Variants in PEX5L observed in about 807,000 individuals in gnomAD.
The protein encoded by PEX5L is PEX5-related protein.
In PEX5L, 30 loss-of-function variants were observed where a neutral mutation model predicts 84.0. That is an observed-to-expected ratio of 0.36 (90% CI 0.27 to 0.48). The LOEUF is 0.48. PEX5L is among the 20% of genes least tolerant of loss of function. The probability of loss-of-function intolerance (pLI) is 0.99; values close to 1 mark genes in which losing one functional copy is unlikely to be tolerated. For missense variants in PEX5L, 533 were observed against 754.6 expected, an observed-to-expected ratio of 0.71 and a Z score of 3.44; for synonymous variants, 270 against 283.1, an observed-to-expected ratio of 0.95 and a Z score of 0.46.
At chr3:179,981,177 T>C (rs1265678518) in intron 1 of PEX5L, among the ~76,000 whole-genome samples, 1 of 152,018 alleles carries the variant, frequency 6.6e-6, no homozygotes, top group East Asian at 1.9e-4. Context: ...TGGAACAGAG[T>C]TGCCCAGGGT....
chr3:179,800,584 A>G lies in PEX5L; in HGVS notation c.*1244T>C, dbSNP rs373696326. On this transcript the variant is annotated 3_prime_UTR_variant, in exon 15 of 15. Transcript: ENST00000467460. ...CAATTAAAACACCACTGCTAATAGA[A>G]AATTCCCAATACTTGCTAAATGTTC... 16 of 152,336 alleles carry G rather than the reference A, an allele frequency of 1.1e-4. No individual in the cohort carries two copies. In the East Asian group the frequency reaches 2.7e-3, roughly 26 times the overall value. The allele number at this position is 152,336 out of a possible 1,614,324, so 9.4% of individuals were successfully genotyped here.
chr3:179,912,480 CTTTAAG>C (rs896293845), intron 2 of PEX5L, among the ~76,000 whole-genome samples: 8 of 151,942 alleles, frequency 5.3e-5, no homozygotes, highest in Non-Finnish European at 1.0e-4. Context: ...AAAATTAATC[CTTTAAG>C]TTTAAGATCC....
At chr3:179,922,433 A>T (rs191222346) in intron 2 of PEX5L, among the ~76,000 whole-genome samples, 95 of 146,856 alleles carry the variant, frequency 6.5e-4, no homozygotes, top group Middle Eastern at 7.3e-3. Flanking sequence ...TTAGAATTTC[A>T]CTGCTTCCTT....
intron 3 of PEX5L, chr3:179,896,107 C>A (rs1187479715): frequency 6.6e-6 from 1 of 152,102 alleles, no homozygotes; most frequent in African/African-American, 2.4e-5. Context: ...TTTTTCAGAT[C>A]ATTCTGCTTC....
At position 179,805,799 on chromosome 3, in the gene PEX5L, C is replaced by T. The variant is rs529121631; in HGVS notation, c.1676+1875G>A. Among the ~76,000 whole-genome samples the T allele has an allele frequency of 2.6e-5, 4 of 152,128 alleles. No individual in the cohort carries two copies. The East Asian group carries it at 5.8e-4, about 22-fold the overall frequency. ...TGAGGATTTAAAATTTACACCTTAA[C>T]GGAGGTGGCCATTTTTACCTGTCAT... is the stretch of plus-strand genomic sequence containing the variant. On this transcript the variant is annotated intron_variant, in intron 14 of 14. Coordinates refer to ENST00000467460, the MANE Select transcript of PEX5L (RefSeq NM_016559.3).
chr3:179,979,671 C>T (rs766681293), intron 1 of PEX5L, among the ~76,000 whole-genome samples: 1 of 152,094 alleles, frequency 6.6e-6, no homozygotes, highest in Non-Finnish European at 1.5e-5. Context: ...CTCTCCCATC[C>T]CCAACAGGAA....
At chr3:180,007,163 C>T (rs764626624) in intron 1 of PEX5L, among the ~76,000 whole-genome samples, 2 of 152,184 alleles carry the variant, frequency 1.3e-5, no homozygotes, top group Non-Finnish European at 2.9e-5. Flanking sequence ...TGGGTAAATA[C>T]AGCTGTTCCA....
intron 4 of PEX5L, among the ~76,000 whole-genome samples, chr3:179,885,790 G>A (rs1421216871): frequency 2.6e-5 from 4 of 152,142 alleles, no homozygotes; most frequent in Non-Finnish European, 5.9e-5. Flanking sequence ...TAGAAGAGAG[G>A]CCTGGAATAG....
chr3:179,910,357 T>C (rs1299681468), intron 2 of PEX5L, among the ~76,000 whole-genome samples: 1 of 152,204 alleles, frequency 6.6e-6, no homozygotes, highest in Non-Finnish European at 1.5e-5. Context: ...TGAAAACAAT[T>C]TTCTTGTGAA....
intron 2 of PEX5L, among the ~76,000 whole-genome samples, chr3:179,903,027 TAAC>T (rs1361961405): frequency 2.0e-5 from 3 of 152,112 alleles, no homozygotes; most frequent in African/African-American, 7.2e-5. Flanking sequence ...AAAACAAAAT[TAAC>T]AACTCTAATA....
chr3:179,937,634 A>G (rs1309373309), intron 2 of PEX5L, among the ~76,000 whole-genome samples: 2 of 152,178 alleles, frequency 1.3e-5, no homozygotes, highest in South Asian at 2.1e-4. Context: ...CAGTGTATAT[A>G]GGACACATGT....
intron 6 of PEX5L, 125 bp downstream of exon 6, chr3:179,875,229 G>T: frequency 2.6e-6 from 2 of 764,486 alleles, no homozygotes; most frequent in South Asian, 1.9e-5. Flanking sequence ...CACAATAATT[G>T]GTATTGTTAT....
intron 2 of PEX5L, among the ~76,000 whole-genome samples, chr3:179,931,158 A>C (rs1772989760): frequency 6.6e-6 from 1 of 152,230 alleles, no homozygotes; most frequent in Non-Finnish European, 1.5e-5. Flanking sequence ...ATTGCATTTG[A>C]CCAAGATTTA....
intron 1 of PEX5L, among the ~76,000 whole-genome samples, chr3:179,988,388 C>CAATAAATAAATAAATAAATAAATA (rs56669562): frequency 1.4e-5 from 2 of 143,446 alleles, no homozygotes; most frequent in African/African-American, 2.6e-5. Context: ...AAATCTGCCT[C>CAATAAATAAATAAATAAATAAATA]AATAAATAAA....
chr3:179,967,872 A>C (rs2177589), intron 2 of PEX5L, among the ~76,000 whole-genome samples: 120,070 of 152,134 alleles, frequency 0.79, 47,887 homozygotes, highest in East Asian at 0.94. Context: ...CCTGAAGAAT[A>C]AGAAACCCCG....
intron 2 of PEX5L, among the ~76,000 whole-genome samples, chr3:179,971,139 C>T (rs1191997682): frequency 6.6e-6 from 1 of 151,950 alleles, no homozygotes; most frequent in South Asian, 2.1e-4. Context: ...TGCAGACAAT[C>T]TGGAAAATTA....
intron 2 of PEX5L, among the ~76,000 whole-genome samples, chr3:179,930,218 A>G (rs1340651330): frequency 1.3e-5 from 2 of 151,152 alleles, no homozygotes; most frequent in African/African-American, 4.9e-5. Flanking sequence ...AGGTCATAAA[A>G]CTGTTTCTCT....
chr3:179,956,852 G>A (rs1332678418), intron 2 of PEX5L, among the ~76,000 whole-genome samples: 1 of 152,200 alleles, frequency 6.6e-6, no homozygotes, highest in Non-Finnish European at 1.5e-5. Flanking sequence ...ACATCATGCA[G>A]AATTCACGGT....
intron 2 of PEX5L, among the ~76,000 whole-genome samples, chr3:179,950,789 T>C (rs1310108787): frequency 6.6e-6 from 1 of 152,090 alleles, no homozygotes. Context: ...AGTAAAACAA[T>C]AGTAGTGCAG....
Sources: gnomAD v4.1 joint callset for allele counts (sites outside exome capture counted in the v4.1 genomes callset) on GRCh38, gnomAD v4.1.1 for gene constraint, MANE v1.5 for transcripts, NCBI Gene and HGNC (gene_info 2026-07-23, HGNC 2026-07-21) for gene names.